SFMBT2: variants seen among roughly 807,000 people sequenced by gnomAD.
The protein encoded by SFMBT2 is Scm like with four mbt domains 2.
A neutral mutation model predicts 110.1 loss-of-function variants in SFMBT2; 38 were observed. The ratio of observed to expected loss-of-function variants is 0.35; its 90% CI spans 0.27 to 0.45. The LOEUF is 0.45. Among genes scored for constraint, SFMBT2 ranks in the 20% least tolerant of loss-of-function variants. SFMBT2 has a pLI of 1.00. For missense variants in SFMBT2, 1,011 were observed against 1,094.9 expected (o/e 0.92, Z 1.08); for synonymous variants, 425 against 425.4 (o/e 1.00, Z 0.01).
intron 4 of SFMBT2, among the ~76,000 whole-genome samples, chr10:7,289,480 A>G (rs577202287): frequency 1.3e-5 from 2 of 152,356 alleles, no homozygotes; most frequent in South Asian, 4.1e-4. Flanking sequence ...ACATCTTGCG[A>G]GCCTCAAGTT....
At chr10:7,330,207 C>T (rs1175521347) in intron 4 of SFMBT2, among the ~76,000 whole-genome samples, 1 of 152,150 alleles carries the variant, frequency 6.6e-6, no homozygotes, top group Non-Finnish European at 1.5e-5. Context: ...TGTTTCTGAA[C>T]AACCTGAAAG....
At chr10:7,284,780 T>C (rs763208494) in intron 5 of SFMBT2, 30 of 183,570 alleles carry the variant, frequency 1.6e-4, no homozygotes, top group Non-Finnish European at 2.4e-4. Flanking sequence ...GTATAATTAC[T>C]GCCCCTTCTA....
rs763712861 is a variant in SFMBT2, at chr10:7,197,702, A to G, written c.1559-15T>C. 6.2e-7 allele frequency: 1 copy of G among 1,612,908 alleles called. No homozygotes were observed. Among genetic ancestry groups the G allele is most frequent in the Non-Finnish European group, 8.5e-7 (1 of 1,179,614 alleles). On this transcript the variant is annotated splice_polypyrimidine_tract_variant and intron_variant, in intron 14 of 20. Transcript: ENST00000397167. ...GTTGACGGTTCCTGCAGGGGACAGC[A>G]ACATAGTCCATGCTTAGGACCACAG...
chr10:7,378,776 G>A (rs1845343738), intron 2 of SFMBT2, among the ~76,000 whole-genome samples: 1 of 149,934 alleles, frequency 6.7e-6, no homozygotes, highest in Admixed American at 6.6e-5. Context: ...GCTGTGGGGT[G>A]GTGTGAGTGT....
At chr10:7,164,819 C>T (rs910205535) in intron 20 of SFMBT2, among the ~76,000 whole-genome samples, 4 of 151,416 alleles carry the variant, frequency 2.6e-5, no homozygotes, top group Admixed American at 1.3e-4. Flanking sequence ...CTCCCCAGAG[C>T]GAGGTGTCGC....
chr10:7,356,067 C>T (rs1310034094), intron 4 of SFMBT2, among the ~76,000 whole-genome samples: 2 of 152,184 alleles, frequency 1.3e-5, no homozygotes, highest in Admixed American at 6.5e-5. Context: ...CCCAAGGGCA[C>T]AAGAGATGCA....
intron 11 of SFMBT2, 95 bp from the exon 12 acceptor site, chr10:7,206,023 A>G (rs953036599): frequency 6.6e-7 from 1 of 1,520,740 alleles, no homozygotes; most frequent in African/African-American, 1.4e-5. Context: ...AACATGGGGA[A>G]AAACATTCCT....
At chr10:7,235,534 C>CAA (rs1234273169) in intron 9 of SFMBT2, among the ~76,000 whole-genome samples, 1 of 151,674 alleles carries the variant, frequency 6.6e-6, no homozygotes, top group African/African-American at 2.4e-5. Flanking sequence ...ACATACCACA[C>CAA]ACACACACAC....
At chr10:7,312,605 G>C (rs182692346) in intron 4 of SFMBT2, among the ~76,000 whole-genome samples, 7 of 152,334 alleles carry the variant, frequency 4.6e-5, no homozygotes, top group Non-Finnish European at 7.3e-5. Flanking sequence ...ACTGCACATA[G>C]TCACATAAAC....
intron 9 of SFMBT2, chr10:7,228,332 G>T: frequency 1.3e-6 from 1 of 778,744 alleles, no homozygotes; most frequent in Non-Finnish European, 1.6e-6. Context: ...TTACTTTTCG[G>T]TGTCTTTATG....
At chr10:7,232,615 T>C (rs1416294569) in intron 9 of SFMBT2, among the ~76,000 whole-genome samples, 2 of 152,216 alleles carry the variant, frequency 1.3e-5, no homozygotes, top group Non-Finnish European at 2.9e-5. Flanking sequence ...TAGATTCATA[T>C]AAAATATGCA....
chr10:7,284,332 C>CAAGGGGT, intron 5 of SFMBT2, 182 bp from the exon 6 acceptor site: 1 of 1,419,038 alleles, frequency 7.0e-7, no homozygotes, highest in Non-Finnish European at 9.2e-7. Flanking sequence ...TCCTCCCTCC[C>CAAGGGGT]ACACATCCAT....
intron 1 of SFMBT2, among the ~76,000 whole-genome samples, chr10:7,400,481 G>A (rs79075180): frequency 2.0e-5 from 3 of 152,254 alleles, no homozygotes; most frequent in East Asian, 1.9e-4. Flanking sequence ...GGGAGAAGGC[G>A]AGAAGAGAAA....
At chr10:7,360,108 T>C (rs1844666246) in intron 4 of SFMBT2, among the ~76,000 whole-genome samples, 1 of 152,200 alleles carries the variant, frequency 6.6e-6, no homozygotes, top group African/African-American at 2.4e-5. Flanking sequence ...ATCTTCTAAT[T>C]GGAGAGCTAT....
intron 9 of SFMBT2, among the ~76,000 whole-genome samples, chr10:7,228,882 G>A (rs182210424): frequency 1.2e-3 from 189 of 151,840 alleles, no homozygotes; most frequent in Non-Finnish European, 2.0e-3. Context: ...GACAGGAGAC[G>A]AGGTGAGAGA....
At chr10:7,410,405 C>T (rs1316509338) in intron 1 of SFMBT2, among the ~76,000 whole-genome samples, 1 of 152,220 alleles carries the variant, frequency 6.6e-6, no homozygotes, top group Non-Finnish European at 1.5e-5. Context: ...CGCGGGAGCG[C>T]GGGGTAGGTA....
At chr10:7,339,649 G>A (rs375497032) in intron 4 of SFMBT2, among the ~76,000 whole-genome samples, 2 of 152,244 alleles carry the variant, frequency 1.3e-5, no homozygotes, top group Non-Finnish European at 1.5e-5. Context: ...AAAGGCATCC[G>A]CTGACAGATT....
intron 1 of SFMBT2, among the ~76,000 whole-genome samples, chr10:7,406,736 C>A (rs538774202): frequency 1.3e-5 from 2 of 152,216 alleles, no homozygotes; most frequent in East Asian, 1.9e-4. Flanking sequence ...ATTACTGAAA[C>A]GCATCTCCAG....
chr10:7,225,408 A>T (rs764557370), intron 10 of SFMBT2, among the ~76,000 whole-genome samples: 3 of 152,238 alleles, frequency 2.0e-5, no homozygotes, highest in Admixed American at 1.3e-4. Context: ...TTAAAAAATG[A>T]ACTCGTAATA....
Sources: allele counts gnomAD v4.1 joint callset (sites outside exome capture counted in the v4.1 genomes callset), GRCh38; gene constraint gnomAD v4.1.1; transcripts MANE v1.5; gene names NCBI Gene and HGNC (gene_info 2026-07-23, HGNC 2026-07-21).